The following MRTFB variants were observed in gnomAD, a reference collection of about 807,000 sequenced individuals.
The protein encoded by MRTFB is myocardin-related transcription factor B.
MRTFB carries 29 observed loss-of-function variants against 104.2 expected under a neutral mutation model. The ratio of observed to expected loss-of-function variants is 0.28; its 90% CI spans 0.21 to 0.38. The LOEUF is 0.38. MRTFB is among the 10% of genes least tolerant of loss of function. The pLI is 1.00. For missense variants in MRTFB, 1,270 were observed against 1,341.6 expected (o/e 0.95, Z 0.83); for synonymous variants, 535 against 519.5 (o/e 1.03, Z -0.41).
intron 3 of MRTFB, among the ~76,000 whole-genome samples, chr16:14,149,925 C>G (rs556841571): frequency 6.6e-5 from 10 of 152,298 alleles, no homozygotes; most frequent in Admixed American, 5.2e-4. Context: ...GCAGGCCCCT[C>G]AAAGCCGTGG....
At chr16:14,112,587 C>A (rs1487017780) in intron 2 of MRTFB, among the ~76,000 whole-genome samples, 1 of 152,234 alleles carries the variant, frequency 6.6e-6, no homozygotes, top group African/African-American at 2.4e-5. Context: ...TTCTCTTATT[C>A]CACCACAGTC....
chr16:14,164,253 G>T (rs953524065), intron 3 of MRTFB, among the ~76,000 whole-genome samples: 3 of 152,152 alleles, frequency 2.0e-5, no homozygotes, highest in East Asian at 1.9e-4. Context: ...CTATCATTCC[G>T]TTACTCTGTA....
the MRTFB span, among the ~76,000 whole-genome samples, chr16:13,995,448 C>G: frequency 6.6e-6 from 1 of 152,188 alleles, no homozygotes; most frequent in Non-Finnish European, 1.5e-5. Flanking sequence ...TTAAGCTCCT[C>G]CCTTGCTGGT....
the MRTFB span, among the ~76,000 whole-genome samples, chr16:14,059,333 A>G: frequency 6.6e-6 from 1 of 152,092 alleles, no homozygotes; most frequent in African/African-American, 2.4e-5. Flanking sequence ...GCTCTCATCT[A>G]GCTGTAATTT....
At chr16:14,029,304 C>A in the MRTFB span, among the ~76,000 whole-genome samples, 1 of 149,340 alleles carries the variant, frequency 6.7e-6, no homozygotes, top group Non-Finnish European at 1.5e-5. Context: ...AGACTTTATG[C>A]GTTAAAAATA....
intron 7 of MRTFB, 47 bp from the exon 8 acceptor site, chr16:14,218,773 A>G: frequency 6.5e-7 from 1 of 1,529,198 alleles, no homozygotes; most frequent in Non-Finnish European, 8.8e-7. Flanking sequence ...TAAGCTTGGT[A>G]TTCCAAAGCC....
At chr16:14,091,771 G>A (rs749390701) in intron 2 of MRTFB, among the ~76,000 whole-genome samples, 1 of 151,998 alleles carries the variant, frequency 6.6e-6, no homozygotes, top group Non-Finnish European at 1.5e-5. Context: ...GAGGCGGGCA[G>A]ATCACTTGAG....
chr16:14,248,513 C>T (rs1188630155), intron 12 of MRTFB: 2 of 154,286 alleles, frequency 1.3e-5, no homozygotes, highest in African/African-American at 4.8e-5. Context: ...GGCGCCCTGG[C>T]CCCATTGCTG....
chr16:14,122,682 G>C (rs774470729), intron 2 of MRTFB, among the ~76,000 whole-genome samples: 3 of 152,126 alleles, frequency 2.0e-5, no homozygotes, highest in Non-Finnish European at 4.4e-5. Context: ...TCTTTATCCA[G>C]TCTATCATTG....
At chr16:14,229,101 C>T (rs1401265628) in intron 8 of MRTFB, among the ~76,000 whole-genome samples, 1 of 152,104 alleles carries the variant, frequency 6.6e-6, no homozygotes, top group African/African-American at 2.4e-5. Context: ...TTTAAATGCA[C>T]TTTTAAAGCA....
At chr16:14,241,672 C>A (rs1355203854) in intron 10 of MRTFB, among the ~76,000 whole-genome samples, 1 of 152,164 alleles carries the variant, frequency 6.6e-6, no homozygotes, top group Non-Finnish European at 1.5e-5. Context: ...CCTCTTTTCC[C>A]TCTTAAGATT....
At chr16:14,040,038 G>A in the MRTFB span, among the ~76,000 whole-genome samples, 16 of 152,082 alleles carry the variant, frequency 1.1e-4, no homozygotes, top group South Asian at 2.1e-4. Flanking sequence ...GTGAGCCACC[G>A]CGCCCAGCCG....
the MRTFB span, among the ~76,000 whole-genome samples, chr16:14,001,330 T>TGC: frequency 6.6e-6 from 1 of 152,214 alleles, no homozygotes; most frequent in Admixed American, 6.5e-5. Context: ...CTCCATTATC[T>TGC]GCTGTGAGCG....
At chr16:14,153,726 C>A (rs1279427905) in intron 3 of MRTFB, among the ~76,000 whole-genome samples, 2 of 152,162 alleles carry the variant, frequency 1.3e-5, no homozygotes, top group Non-Finnish European at 1.5e-5. Context: ...AAAATAAATT[C>A]TCTCATGAAA....
chr16:14,061,149 A>T, the MRTFB span, among the ~76,000 whole-genome samples: 1 of 152,074 alleles, frequency 6.6e-6, no homozygotes, highest in Non-Finnish European at 1.5e-5. Context: ...CCGTCTCAAA[A>T]AAAAAACAAA....
chr16:14,051,864 C>CT, the MRTFB span, among the ~76,000 whole-genome samples: 2 of 152,166 alleles, frequency 1.3e-5, no homozygotes, highest in Admixed American at 1.3e-4. Context: ...TCTTCTCCAC[C>CT]TTTTTTCTGA....
chr16:14,042,414 G>A, the MRTFB span, among the ~76,000 whole-genome samples: 28 of 152,264 alleles, frequency 1.8e-4, no homozygotes, highest in African/African-American at 6.5e-4. Flanking sequence ...GTGCGCCACC[G>A]CACCTGGCCA....
In MRTFB at chr16:14,247,354, T is replaced by A. The variant is rs572529672; in HGVS notation, c.2094T>A (p.Phe698Leu). ...AGCAGCAGAGTGTCGTCTCGCAGTT[T>A]TATGTGAGTTCCCAGGGACAGCCAC... The part of the protein sequence containing the change: ...QAEQQSVVSQ[F>L]YVSSQGQPPP... The change falls in exon 12 of 17, where the codon TTT becomes TTA. Residue 698 changes from phenylalanine to leucine, a missense_variant. By Grantham distance (22) the Phe-to-Leu change is conservative. Around this residue, in one of 3 missense-constraint regions of MRTFB, gnomAD observed 1,144 missense variants for 1,131.5 expected, o/e 1.01. Transcript: ENST00000571589. 1.9e-6 allele frequency: 3 copies of A among 1,614,152 alleles called. No homozygotes were observed. The South Asian group carries it at 3.3e-5, about 18-fold the overall frequency.
chr16:14,151,510 T>C (rs1000684217), intron 3 of MRTFB: 1 of 152,224 alleles, frequency 6.6e-6, no homozygotes, highest in Non-Finnish European at 1.5e-5. Context: ...CAGTGTGGCT[T>C]TTCAGAATTT....
Sources: gnomAD v4.1 joint callset for allele counts (sites outside exome capture counted in the v4.1 genomes callset) on GRCh38, gnomAD v4.1.1 for gene constraint, gnomAD v4.1.1 regional missense constraint, MANE v1.5 for transcripts, NCBI Gene and HGNC (gene_info 2026-07-23, HGNC 2026-07-21) for gene names.